SYNE1: variants seen among roughly 807,000 people sequenced by gnomAD.
The protein encoded by SYNE1 is nesprin-1.
Under a neutral mutation model 1,111.0 loss-of-function variants are expected in SYNE1, and 616 were observed. The ratio of observed to expected loss-of-function variants is 0.55; its 90% confidence interval spans 0.52 to 0.59. The LOEUF is 0.59. Ranked by LOEUF, SYNE1 falls within the 20% of genes least tolerant of loss-of-function variation. The probability of loss-of-function intolerance (pLI) is 0.00; values close to 1 mark genes in which losing one functional copy is unlikely to be tolerated. For synonymous variants in SYNE1, 3,855 were observed against 3,825.8 expected, an observed-to-expected ratio of 1.01 and a Z score of -0.28; for missense variants, 10,006 against 10,417.0, an observed-to-expected ratio of 0.96 and a Z score of 1.72.
At chr6:152,413,107 T>A (rs2098093512) in intron 42 of SYNE1, among the ~76,000 whole-genome samples, 1 of 152,198 alleles carries the variant, frequency 6.6e-6, no homozygotes, top group Non-Finnish European at 1.5e-5. Context: ...TGCCTTGGCC[T>A]CCCAAAGTGC....
At chr6:152,425,896 T>C (rs1477562061) in intron 38 of SYNE1, among the ~76,000 whole-genome samples, 5 of 152,174 alleles carry the variant, frequency 3.3e-5, no homozygotes, top group Non-Finnish European at 4.4e-5. Flanking sequence ...TCTTTCACGA[T>C]GAAGAGACTG....
At position 152,294,108 on chromosome 6, in the gene SYNE1, G is replaced by T. The variant is rs749808233; in HGVS notation, c.17702C>A (p.Ala5901Asp). ...SVNQDIAYYQ[A>D]LSAERLQTDA... ...TGTCTGCAACCTCTCAGCAGACAAGGCTTGGTAATATGCAATGTCCTGTGA... is the reference window on the plus strand; with the variant it reads ...TGTCTGCAACCTCTCAGCAGACAAGTCTTGGTAATATGCAATGTCCTGTGA... Residue 5901 changes from alanine to aspartate, a missense_variant, in exon 94 of 146, where the codon GCC becomes GAC. Coordinates refer to ENST00000367255, the MANE Select transcript of SYNE1 (RefSeq NM_182961.4). The T allele has an allele frequency of 6.2e-7, 1 of 1,613,642 alleles. No individual in the cohort carries two copies. Among genetic ancestry groups the T allele is most frequent in the Non-Finnish European group, 8.5e-7 (1 of 1,180,002 alleles).
chr6:152,564,612 T>C (rs1243636068), intron 3 of SYNE1, among the ~76,000 whole-genome samples: 1 of 152,150 alleles, frequency 6.6e-6, no homozygotes, highest in Non-Finnish European at 1.5e-5. Context: ...CCACCGTGCC[T>C]GGACAGGAAC....
intron 85 of SYNE1, 137 bp from the exon 86 acceptor site, chr6:152,318,400 A>AT (rs2095789035): frequency 1.6e-5 from 16 of 1,003,848 alleles, no homozygotes; most frequent in Non-Finnish European, 2.2e-5. Context: ...TGATCAGGTC[A>AT]TTTTTGTTTC....
At chr6:152,515,000 T>G (rs1182285241) in intron 6 of SYNE1, among the ~76,000 whole-genome samples, 1 of 152,112 alleles carries the variant, frequency 6.6e-6, no homozygotes, top group Non-Finnish European at 1.5e-5. Context: ...GGCGGGCAGA[T>G]AGCTTGAGGT....
In SYNE1 at chr6:152,417,035, T is replaced by C. The variant is rs777208682; in HGVS notation, c.5422-20A>G. ...GTGGTCCTGGAAGGGAAGAGAGAGT[T>C]ATTGATTCCTGAGATACACTACAGT... On this transcript the variant is annotated intron_variant, in intron 40 of 145. Transcript: ENST00000367255. 1.3e-5 allele frequency: 21 copies of C among 1,613,070 alleles called. No homozygotes were observed. The highest frequency in any genetic ancestry group is 1.8e-5 in the Non-Finnish European group (21 of 1,179,994).
At chr6:152,452,441 G>T (rs1258670361) in intron 25 of SYNE1, among the ~76,000 whole-genome samples, 3 of 151,988 alleles carry the variant, frequency 2.0e-5, no homozygotes, top group Non-Finnish European at 2.9e-5. Context: ...TGAAAAACTT[G>T]AATTTTCAAA....
At position 152,233,902 on chromosome 6, in the gene SYNE1, T is replaced by G; in HGVS notation, c.20591A>C (p.Asn6864Thr). Residue 6864 changes from asparagine to threonine, a missense_variant, in exon 112 of 146, where the codon AAT (asparagine) becomes ACT (threonine). Physicochemically the swap from Asn to Thr is moderately conservative, Grantham distance 65. This residue lies in a region of SYNE1 where 2,182 missense variants were observed against 2,287.8 expected (regional missense o/e 0.95). Coordinates refer to ENST00000367255, the MANE Select transcript of SYNE1 (RefSeq NM_182961.4). ...CACCTTTTTTAGTCGAAGGAGCTGA[T>G]TTCCAGTACTCAGAACAGATGATTT... Reference protein sequence around the residue: ...SLKSSVLSTGNQLLRLKKVDT... With the variant: ...SLKSSVLSTGTQLLRLKKVDT... 1 of 1,614,184 alleles carries G rather than the reference T, an allele frequency of 6.2e-7. No individual in the cohort carries two copies.
chr6:152,215,876 A>C (rs1488295668), intron 121 of SYNE1, among the ~76,000 whole-genome samples: 2 of 152,236 alleles, frequency 1.3e-5, no homozygotes, highest in Non-Finnish European at 2.9e-5. Flanking sequence ...AGAGAAAATA[A>C]GATTTCACTT....
chr6:152,323,559 A>G lies in SYNE1; in HGVS notation c.15836T>C (p.Leu5279Pro), dbSNP rs2153938346. 6 of 1,614,244 alleles carry G rather than the reference A, an allele frequency of 3.7e-6. No individual in the cohort carries two copies. The highest frequency in any genetic ancestry group is 4.2e-6 in the Non-Finnish European group (5 of 1,180,042). ...AGGGGTTGGGGCGGCTCCATCCTGG[A>G]GCATGCTCAGGGTTTGCTGCCGCAG... ...GMLRQQTLSM[L>P]QDGAAPTPGE... is the part of the protein sequence containing the mutation. The change falls in exon 82 of 146, where the codon CTC (leucine) becomes CCC (proline). Residue 5279 changes from leucine (L) to proline (P), a missense_variant. Coordinates refer to ENST00000367255, the MANE Select transcript of SYNE1 (RefSeq NM_182961.4).
rs2097539800 is a variant in SYNE1, at chr6:152,387,357, T to C, written c.8202A>G (p.Gln2734=). 1 of 1,614,166 alleles carries C rather than the reference T, an allele frequency of 6.2e-7. No individual in the cohort carries two copies. Among genetic ancestry groups the C allele is most frequent in the Non-Finnish European group, 8.5e-7 (1 of 1,179,992 alleles). The part of the protein sequence containing the change: ...AQSTLESVIS[Q]WNDYVERKNQ... ...TTTTCCTCTCTACATAGTCATTCCA[T>C]TGGCTAATCACAGACTCTAAAGTGC... The change falls in exon 54 of 146, where the codon CAA becomes CAG. Residue 2734 remains glutamine, a synonymous_variant. Coordinates refer to ENST00000367255, the MANE Select transcript of SYNE1 (RefSeq NM_182961.4).
intron 3 of SYNE1, among the ~76,000 whole-genome samples, chr6:152,599,883 A>C (rs1234728200): frequency 6.6e-6 from 1 of 152,246 alleles, no homozygotes; most frequent in Non-Finnish European, 1.5e-5. Flanking sequence ...GATGAAGATG[A>C]ACTACATGAA....
intron 16 of SYNE1, among the ~76,000 whole-genome samples, chr6:152,469,880 G>T (rs1202583760): frequency 6.6e-6 from 1 of 152,056 alleles, no homozygotes; most frequent in African/African-American, 2.4e-5. Context: ...CAGTCTGTAG[G>T]GCCATCACTG....
intron 100 of SYNE1, among the ~76,000 whole-genome samples, chr6:152,265,261 T>C (rs146702145): frequency 2.7e-3 from 364 of 133,120 alleles, no homozygotes; most frequent in African/African-American, 9.0e-3. Context: ...GCAATGGCAA[T>C]AGTGCAAATA....
At position 152,344,079 on chromosome 6, in the gene SYNE1, A is replaced by G; in HGVS notation, c.12225+2T>C. 4 of 1,614,154 alleles carry G rather than the reference A, an allele frequency of 2.5e-6. No individual in the cohort carries two copies. In the African/African-American group the frequency reaches 5.3e-5, roughly 22 times the overall value. On this transcript the variant is annotated splice_donor_variant, in intron 74 of 145. Coordinates refer to ENST00000367255, the MANE Select transcript of SYNE1 (RefSeq NM_182961.4). LOFTEE classifies it high-confidence loss of function. Reference sequence around the variant, plus strand: ...TAACACAAACTTTCAGGAGTTTACTACCTGCTTAATGGCTTCTGCCCTACT... The same window carrying G: ...TAACACAAACTTTCAGGAGTTTACTGCCTGCTTAATGGCTTCTGCCCTACT...
intron 133 of SYNE1, among the ~76,000 whole-genome samples, chr6:152,152,428 C>G (rs967759945): frequency 6.6e-6 from 1 of 152,180 alleles, no homozygotes; most frequent in Non-Finnish European, 1.5e-5. Flanking sequence ...CATACATACA[C>G]ACACATATAC....
intron 127 of SYNE1, among the ~76,000 whole-genome samples, chr6:152,201,490 T>G (rs2075423436): frequency 6.6e-6 from 1 of 151,858 alleles, no homozygotes; most frequent in Non-Finnish European, 1.5e-5. Flanking sequence ...TTTTTTTTCC[T>G]TCTTGTAGAC....
intron 121 of SYNE1, 105 bp from the exon 122 acceptor site, chr6:152,215,165 G>A: frequency 7.6e-7 from 1 of 1,321,284 alleles, no homozygotes; most frequent in Non-Finnish European, 1.1e-6. Flanking sequence ...CTGGTCTTCG[G>A]TCTAGTGGCC....
chr6:152,202,102 T>C (rs1194696656), intron 126 of SYNE1, among the ~76,000 whole-genome samples, 153 bp from the exon 127 acceptor site: 1 of 151,948 alleles, frequency 6.6e-6, no homozygotes, highest in African/African-American at 2.4e-5. Context: ...ATCCCAGCAC[T>C]TTGGGAGGCC....
Sources: gnomAD v4.1 joint callset for allele counts (sites outside exome capture counted in the v4.1 genomes callset) on GRCh38, gnomAD v4.1.1 for gene constraint, gnomAD v4.1.1 regional missense constraint, MANE v1.5 for transcripts, NCBI Gene and HGNC (gene_info 2026-07-23, HGNC 2026-07-21) for gene names.